The following LRMDA variants were observed in gnomAD, a reference collection of about 807,000 sequenced individuals.
LRMDA encodes the protein leucine-rich melanocyte differentiation-associated protein.
Under a neutral mutation model 29.8 loss-of-function variants are expected in LRMDA, and 18 were observed. The observed-to-expected ratio is 0.60, with a 90% CI of 0.42 to 0.90. LRMDA has a LOEUF of 0.90. LRMDA is among the 40% of genes least tolerant of loss of function. The probability of loss-of-function intolerance (pLI) is 0.00; values close to 1 mark genes in which losing one functional copy is unlikely to be tolerated. For synonymous variants in LRMDA, 125 were observed against 109.4 expected (o/e 1.14, Z -0.89); for missense variants, 273 against 273.9 (o/e 1.00, Z 0.02).
intron 2 of LRMDA, among the ~76,000 whole-genome samples, chr10:75,492,000 G>A (rs915835752): frequency 2.0e-5 from 3 of 152,190 alleles, no homozygotes; most frequent in African/African-American, 4.8e-5. Context: ...AGTTTTAAAT[G>A]CCTTGGGAAC....
At chr10:75,457,428 G>A (rs1316567521) in intron 2 of LRMDA, among the ~76,000 whole-genome samples, 2 of 152,190 alleles carry the variant, frequency 1.3e-5, no homozygotes, top group African/African-American at 2.4e-5. Context: ...GTCTTTCAGG[G>A]AGGACAGCCA....
chr10:75,493,348 G>GGTGGGT (rs148712950), intron 2 of LRMDA, among the ~76,000 whole-genome samples: 16,627 of 133,246 alleles, frequency 0.12, 1,246 homozygotes, highest in Middle Eastern at 0.16. Flanking sequence ...GTTGAGATTG[G>GGTGGGT]GTGTGTGTGT....
chr10:76,183,501 G>A (rs1046652299), intron 5 of LRMDA, among the ~76,000 whole-genome samples: 2 of 152,056 alleles, frequency 1.3e-5, no homozygotes, highest in East Asian at 3.9e-4. Flanking sequence ...ATTTGCACCT[G>A]AATGGTACAT....
At chr10:75,966,177 C>T (rs1308760848) in intron 2 of LRMDA, among the ~76,000 whole-genome samples, 1 of 152,000 alleles carries the variant, frequency 6.6e-6, no homozygotes, top group Admixed American at 6.6e-5. Context: ...GCAAAAGAGC[C>T]CTTGTGTCCC....
At chr10:75,895,118 G>A (rs1394697455) in intron 2 of LRMDA, among the ~76,000 whole-genome samples, 1 of 152,146 alleles carries the variant, frequency 6.6e-6, no homozygotes, top group Non-Finnish European at 1.5e-5. Flanking sequence ...GGGAAATCCT[G>A]TGGTTACCAC....
rs1373801368 is a variant in LRMDA at position 76,328,653 on chromosome 10, G to A, written c.601+4168G>A. ...AGAGGGAGAGGCATGGCCTGGAAATGTTCACCACTGCCATGCGTTTCCAAA... is the reference window on the plus strand; with the variant it reads ...AGAGGGAGAGGCATGGCCTGGAAATATTCACCACTGCCATGCGTTTCCAAA... On this transcript the variant is annotated intron_variant, in intron 6 of 6. Coordinates refer to ENST00000611255, the MANE Select transcript of LRMDA (RefSeq NM_001305581.2). Among the ~76,000 whole-genome samples the A allele has an allele frequency of 2.0e-5, 3 of 152,216 alleles. No individual in the cohort carries two copies. The East Asian group carries it at 5.8e-4, about 29-fold the overall frequency.
At chr10:75,598,945 A>G (rs1240920348) in intron 2 of LRMDA, among the ~76,000 whole-genome samples, 1 of 152,050 alleles carries the variant, frequency 6.6e-6, no homozygotes, top group Admixed American at 6.5e-5. Flanking sequence ...AATCAGTTGT[A>G]TGATTTCCGC....
At position 75,945,874 on chromosome 10, in the gene LRMDA, AAATAAGTTCAGAGAGGGG is replaced by A. The variant is rs1846467649; in HGVS notation, c.132-90132_132-90115del. 7.9e-5 allele frequency among the ~76,000 whole-genome samples: 12 copies of A among 152,180 alleles called. No individual in the cohort carries two copies. In the South Asian group the frequency reaches 2.5e-3, roughly 32 times the overall value. ...TCAGCTTGCCATTTTAGAGATGGGG[AAATAAGTTCAGAGAGGGG>A]ATGTGACTTCTCTGAGGCCATCTGG... On this transcript the variant is annotated intron_variant, in intron 2 of 6. Transcript: ENST00000611255.
intron 2 of LRMDA, among the ~76,000 whole-genome samples, chr10:75,607,824 GTTTTTTTTTTTTTTT>G (rs5786180): frequency 4.1e-5 from 3 of 72,302 alleles, no homozygotes; most frequent in East Asian, 4.6e-4. Context: ...TGATTCAGTG[GTTTTTTTTTTTTTTT>G]TTTTTTTTTT....
At chr10:76,505,748 C>G (rs1301250144) in intron 6 of LRMDA, among the ~76,000 whole-genome samples, 1 of 152,014 alleles carries the variant, frequency 6.6e-6, no homozygotes, top group African/African-American at 2.4e-5. Context: ...ACAATGAATT[C>G]TATGTGTGTC....
At chr10:76,191,854 C>T (rs1429363674) in intron 5 of LRMDA, among the ~76,000 whole-genome samples, 10 of 152,128 alleles carry the variant, frequency 6.6e-5, no homozygotes, top group Admixed American at 6.5e-4. Context: ...TAGAAAAAGC[C>T]TTTTCCCACA....
chr10:75,928,776 GC>G (rs1838081256), intron 2 of LRMDA, among the ~76,000 whole-genome samples: 3 of 152,188 alleles, frequency 2.0e-5, no homozygotes, highest in African/African-American at 7.2e-5. Context: ...ATAACCTTGG[GC>G]CCCACTTCCT....
chr10:76,276,255 T>A (rs2132327822), intron 5 of LRMDA, among the ~76,000 whole-genome samples: 2 of 152,208 alleles, frequency 1.3e-5, no homozygotes, highest in African/African-American at 4.8e-5. Flanking sequence ...TCCTCCTGCC[T>A]TGGCCTCCCT....
intron 2 of LRMDA, among the ~76,000 whole-genome samples, chr10:75,741,414 C>T (rs1842827933): frequency 6.6e-6 from 1 of 151,934 alleles, no homozygotes; most frequent in South Asian, 2.1e-4. Context: ...CTTCTGCCAC[C>T]AGCCAGAGAA....
intron 2 of LRMDA, among the ~76,000 whole-genome samples, chr10:75,473,114 ATTGT>A: frequency 6.6e-6 from 1 of 152,218 alleles, no homozygotes; most frequent in South Asian, 2.1e-4. Flanking sequence ...TTGACACCAG[ATTGT>A]TTGGGAAGCT....
intron 6 of LRMDA, among the ~76,000 whole-genome samples, chr10:76,533,837 C>T (rs1050319034): frequency 6.6e-6 from 1 of 152,136 alleles, no homozygotes; most frequent in Non-Finnish European, 1.5e-5. Flanking sequence ...ACTTGAGAAA[C>T]AAAATATATT....
At chr10:76,426,305 G>A (rs560284358) in intron 6 of LRMDA, among the ~76,000 whole-genome samples, 54 of 152,312 alleles carry the variant, frequency 3.5e-4, no homozygotes, top group African/African-American at 1.2e-3. Context: ...TAACTGGTGT[G>A]AGATGATATC....
intron 2 of LRMDA, among the ~76,000 whole-genome samples, chr10:75,811,684 A>G (rs529363854): frequency 7.9e-5 from 12 of 152,328 alleles, no homozygotes; most frequent in Non-Finnish European, 1.3e-4. Context: ...AGGGCCCGAG[A>G]GGCAGTGACT....
At chr10:76,052,274 A>G (rs1848542252) in intron 4 of LRMDA, among the ~76,000 whole-genome samples, 1 of 152,224 alleles carries the variant, frequency 6.6e-6, no homozygotes, top group African/African-American at 2.4e-5. Flanking sequence ...ACAAAACTCT[A>G]ATGACCCCAT....
Sources: gnomAD v4.1 joint callset for allele counts (sites outside exome capture counted in the v4.1 genomes callset) on GRCh38, gnomAD v4.1.1 for gene constraint, MANE v1.5 for transcripts, NCBI Gene and HGNC (gene_info 2026-07-23, HGNC 2026-07-21) for gene names.